The following PLEKHG1 variants were observed in gnomAD, a reference collection of about 807,000 sequenced individuals.
PLEKHG1 encodes pleckstrin homology domain-containing family G member 1.
A neutral mutation model predicts 100.8 loss-of-function variants in PLEKHG1; 44 were observed. The ratio of observed to expected loss-of-function variants is 0.44; its 90% confidence interval spans 0.34 to 0.56. The LOEUF (loss-of-function observed/expected upper bound fraction) is 0.56, where lower values mean the gene tolerates loss of function less well. Ranked by LOEUF, PLEKHG1 falls within the 20% of genes least tolerant of loss-of-function variation. The pLI is 0.01. For synonymous variants in PLEKHG1, 640 were observed against 662.5 expected, an observed-to-expected ratio of 0.97 and a Z score of 0.52; for missense variants, 1,545 against 1,720.9, an observed-to-expected ratio of 0.90 and a Z score of 1.81.
intron 3 of PLEKHG1, among the ~76,000 whole-genome samples, chr6:150,701,319 CAAA>C (rs1191848222): frequency 9.6e-6 from 1 of 104,442 alleles, no homozygotes; most frequent in Non-Finnish European, 2.1e-5. Context: ...GACTCTATCT[CAAA>C]AAAAAAAAAA....
At chr6:150,702,025 T>A (rs1780810427) in intron 3 of PLEKHG1, among the ~76,000 whole-genome samples, 3 of 152,214 alleles carry the variant, frequency 2.0e-5, no homozygotes, top group African/African-American at 7.2e-5. Context: ...AGTCAAAGAT[T>A]GGAAACTTGT....
intron 2 of PLEKHG1, among the ~76,000 whole-genome samples, chr6:150,751,086 T>C (rs1783487016): frequency 1.3e-5 from 2 of 152,224 alleles, no homozygotes; most frequent in Admixed American, 1.3e-4. Context: ...AGACCAATAA[T>C]TTCTAGTACG....
At chr6:150,616,693 G>C (rs1443279231) in intron 1 of PLEKHG1, among the ~76,000 whole-genome samples, 1 of 152,202 alleles carries the variant, frequency 6.6e-6, no homozygotes, top group Non-Finnish European at 1.5e-5. Flanking sequence ...CTTCTGGAGA[G>C]GAAACGTCTA....
chr6:150,795,102 T>G (rs1786238313), intron 4 of PLEKHG1, among the ~76,000 whole-genome samples: 1 of 152,032 alleles, frequency 6.6e-6, no homozygotes, highest in African/African-American at 2.4e-5. Context: ...AAAATATAAT[T>G]TCAAGGCCAG....
At chr6:150,710,799 T>C (rs1320690278) in intron 3 of PLEKHG1, among the ~76,000 whole-genome samples, 1 of 152,134 alleles carries the variant, frequency 6.6e-6, no homozygotes, top group East Asian at 1.9e-4. Context: ...CTTTGGCTGG[T>C]TTCCCCTGGT....
chr6:150,710,418 T>C (rs1379758081), intron 3 of PLEKHG1, among the ~76,000 whole-genome samples: 2 of 152,106 alleles, frequency 1.3e-5, no homozygotes, highest in African/African-American at 4.8e-5. Context: ...GAAGTTTACA[T>C]TGTGATTTAC....
At position 150,762,979 on chromosome 6, in the gene PLEKHG1, T is replaced by C. The variant is rs376907030; in HGVS notation, c.412-5659T>C. On this transcript the variant is annotated intron_variant, in intron 2 of 15. Transcript: ENST00000358517. The stretch of plus-strand genomic sequence containing the variant: ...TCAAACTCTGAACTTCTTTTACATG[T>C]TCTCCCTCATTCTCCTTTGAGCACC... 1.7e-4 allele frequency among the ~76,000 whole-genome samples: 25 copies of C among 151,488 alleles called. No homozygotes were observed. The East Asian group carries it at 1.7e-3, about 11-fold the overall frequency.
intron 1 of PLEKHG1, chr6:150,624,718 C>T (rs1777439792): frequency 6.6e-6 from 1 of 152,100 alleles, no homozygotes; most frequent in Admixed American, 6.5e-5. Context: ...GGCCTCACTT[C>T]AACAACAGCA....
chr6:150,742,648 C>A (rs977377596), intron 2 of PLEKHG1, among the ~76,000 whole-genome samples: 4 of 151,318 alleles, frequency 2.6e-5, no homozygotes, highest in Non-Finnish European at 4.4e-5. Flanking sequence ...CACTCACTGT[C>A]CTGAGAAATC....
At position 150,701,463 on chromosome 6, in the gene PLEKHG1, A is replaced by G. The variant is rs1225057352; in HGVS notation, c.-98-32121A>G. ...TATATATATATATATATATATATAT[A>G]TATAATTATACTTTAAGTTCTAGGG... On this transcript the variant is annotated intron_variant, in intron 3 of 3. Coordinates refer to the PLEKHG1 transcript ENST00000367326. Among the ~76,000 whole-genome samples, 5 of 83,150 alleles carry G rather than the reference A, an allele frequency of 6.0e-5. No homozygotes were observed. In the East Asian group the frequency reaches 1.1e-3, roughly 19 times the overall value. The allele number at this position is 83,150 out of a possible 152,430, so 54.5% of individuals were successfully genotyped here.
upstream of PLEKHG1, among the ~76,000 whole-genome samples, chr6:150,716,389 T>C (rs1344753338): frequency 1.3e-5 from 2 of 152,246 alleles, no homozygotes; most frequent in African/African-American, 4.8e-5. Context: ...CACCTTTGCA[T>C]ATGAAAGTCT....
intron 2 of PLEKHG1, among the ~76,000 whole-genome samples, chr6:150,748,957 C>A (rs1295303482): frequency 6.6e-6 from 1 of 152,042 alleles, no homozygotes; most frequent in Non-Finnish European, 1.5e-5. Context: ...CTATGACCTG[C>A]AGTTTCTTCA....
chr6:150,676,150 A>G lies in PLEKHG1; in HGVS notation c.-99+25364A>G, dbSNP rs1779751729. ...GCACATATTTATTGATATGAAGTTT[A>G]AAACCTTTTAGAACTAGAACGTAAT... On this transcript the variant is annotated intron_variant, in intron 3 of 3. Coordinates refer to the PLEKHG1 transcript ENST00000367326. Among the ~76,000 whole-genome samples, 5 of 152,254 alleles carry G rather than the reference A, an allele frequency of 3.3e-5. No homozygotes were observed. In the South Asian group the frequency reaches 8.3e-4, roughly 25 times the overall value.
At position 150,733,535 on chromosome 6, in the gene PLEKHG1, T is replaced by C. The variant is rs1343277084; in HGVS notation, c.-98-49T>C. 6 of 1,479,930 alleles carry C rather than the reference T, an allele frequency of 4.1e-6. No homozygotes were observed. The Admixed American group carries it at 1.4e-4, about 34-fold the overall frequency. 91.7% of individuals were successfully genotyped at this position (1,479,930 alleles called of 1,614,324 possible). On this transcript the variant is annotated intron_variant, in intron 1 of 15. Transcript: ENST00000358517. ...TTTTTACTTCCTTTCAACCCTCTGC[T>C]TGATAGAATTGCTTATCTTGTCCTT...
At chr6:150,785,061 A>G (rs2128651276) in intron 3 of PLEKHG1, among the ~76,000 whole-genome samples, 2 of 152,164 alleles carry the variant, frequency 1.3e-5, no homozygotes, top group Middle Eastern at 3.4e-3. Context: ...AGAGAGAGAC[A>G]TCTTAGAACT....
At chr6:150,740,392 A>G (rs1782788085) in intron 2 of PLEKHG1, among the ~76,000 whole-genome samples, 1 of 152,256 alleles carries the variant, frequency 6.6e-6, no homozygotes, top group Non-Finnish European at 1.5e-5. Flanking sequence ...TTACCTGCTT[A>G]GGATGCTGGA....
intron 1 of PLEKHG1, among the ~76,000 whole-genome samples, chr6:150,614,845 T>C (rs1405863711): frequency 6.6e-6 from 1 of 152,246 alleles, no homozygotes; most frequent in Non-Finnish European, 1.5e-5. Flanking sequence ...TTTACTGCTA[T>C]TGAGGAGACT....
At chr6:150,711,992 T>C (rs1426303422) in intron 3 of PLEKHG1, among the ~76,000 whole-genome samples, 1 of 152,170 alleles carries the variant, frequency 6.6e-6, no homozygotes, top group Non-Finnish European at 1.5e-5. Context: ...AGACCAATGA[T>C]TCTGGAGTTA....
intron 1 of PLEKHG1, among the ~76,000 whole-genome samples, chr6:150,730,228 A>G (rs4242275): frequency 0.72 from 109,809 of 151,582 alleles, 41,661 homozygotes; most frequent in Non-Finnish European, 0.85. Context: ...GCAGATCTGT[A>G]GGGGGTAGAC....
Sources: gnomAD v4.1 joint callset for allele counts (sites outside exome capture counted in the v4.1 genomes callset) on GRCh38, gnomAD v4.1.1 for gene constraint, MANE v1.5 for transcripts, NCBI Gene and HGNC (gene_info 2026-07-23, HGNC 2026-07-21) for gene names.